DIPK1A: variants seen among roughly 807,000 people sequenced by gnomAD.
DIPK1A encodes divergent protein kinase domain 1A, also known as family with sequence similarity 69 member A.
DIPK1A carries 27 observed loss-of-function variants against 40.8 expected under a neutral mutation model. The observed-to-expected ratio is 0.66, with a 90% CI of 0.49 to 0.91. The LOEUF is 0.91. Among genes scored for constraint, DIPK1A ranks in the 40% least tolerant of loss-of-function variants. The pLI, the probability that DIPK1A is intolerant of heterozygous loss-of-function variation, is 0.00. For synonymous variants in DIPK1A, 166 were observed against 171.3 expected, an observed-to-expected ratio of 0.97 and a Z score of 0.24; for missense variants, 412 against 505.7, an observed-to-expected ratio of 0.81 and a Z score of 1.78.
At chr1:92,875,260 A>T (rs1648064365) in intron 2 of DIPK1A, among the ~76,000 whole-genome samples, 1 of 152,176 alleles carries the variant, frequency 6.6e-6, no homozygotes, top group Admixed American at 6.5e-5. Flanking sequence ...AAGGTCAAAG[A>T]TATTTTGCTC....
At chr1:92,837,685 T>A (rs1553122284), downstream of DIPK1A, 7 of 1,497,596 alleles carry the variant, frequency 4.7e-6, no homozygotes, top group Non-Finnish European at 6.5e-6. Flanking sequence ...GGAAATAGGT[T>A]TATTACTTGT....
intron 1 of DIPK1A, among the ~76,000 whole-genome samples, chr1:92,955,483 G>A (rs1651813952): frequency 6.6e-6 from 1 of 152,024 alleles, no homozygotes; most frequent in African/African-American, 2.4e-5. Context: ...CAGATCACGA[G>A]GTCAGGAGAT....
At chr1:92,847,463 A>C (rs1456464945) in intron 3 of DIPK1A, 104 bp from the exon 4 acceptor site, 3 of 634,438 alleles carry the variant, frequency 4.7e-6, no homozygotes, top group East Asian at 6.5e-5. Context: ...AAAACAAAAC[A>C]AGCATCAAAC....
intron 4 of DIPK1A, chr1:92,836,760 T>G: frequency 4.4e-6 from 1 of 228,778 alleles, no homozygotes; most frequent in East Asian, 1.1e-4. Context: ...TGCAAAAAGG[T>G]GGATCCTAGA....
downstream of DIPK1A, chr1:92,840,714 T>A: frequency 9.2e-7 from 1 of 1,089,886 alleles, no homozygotes; most frequent in Non-Finnish European, 1.4e-6. Context: ...ACTGTTGGTG[T>A]AATTGTGCAA....
intron 1 of DIPK1A, chr1:92,933,830 G>A (rs1316517609): frequency 6.6e-6 from 1 of 152,196 alleles, no homozygotes; most frequent in Non-Finnish European, 1.5e-5. Context: ...ACAGTATTGA[G>A]ACTTAAATGA....
chr1:92,842,625 C>T lies in DIPK1A; in HGVS notation c.*758G>A. The T allele has an allele frequency of 1.0e-6, 1 of 985,300 alleles. No homozygotes were observed. Among genetic ancestry groups the T allele is most frequent in the Non-Finnish European group, 1.2e-6 (1 of 829,862 alleles). 61.0% of individuals were successfully genotyped at this position (985,300 alleles called of 1,614,324 possible). A position where few individuals can be genotyped will look rare whatever the true frequency, so the allele number is the denominator to read the frequency against. On this transcript the variant is annotated 3_prime_UTR_variant, in exon 5 of 5. Coordinates refer to ENST00000370310, the MANE Select transcript of DIPK1A (RefSeq NM_001006605.5). Reference sequence around the variant, plus strand: ...AGTCTTGCACTTACAGTCCCACTTTCACATAGTTCAAAATCAGGATATGTG... The same window carrying T: ...AGTCTTGCACTTACAGTCCCACTTTTACATAGTTCAAAATCAGGATATGTG...
chr1:92,861,065 T>C (rs1040685344), intron 2 of DIPK1A, among the ~76,000 whole-genome samples: 2 of 152,096 alleles, frequency 1.3e-5, no homozygotes, highest in Admixed American at 6.6e-5. Context: ...TCTTGACTTA[T>C]TACAGTGACT....
At chr1:92,944,635 T>C (rs1651292734) in intron 1 of DIPK1A, among the ~76,000 whole-genome samples, 1 of 152,096 alleles carries the variant, frequency 6.6e-6, no homozygotes, top group Non-Finnish European at 1.5e-5. Flanking sequence ...CAGTTTTTGT[T>C]TTGTTTTGTT....
At chr1:92,892,960 T>C (rs1461405577) in intron 1 of DIPK1A, among the ~76,000 whole-genome samples, 1 of 151,908 alleles carries the variant, frequency 6.6e-6, no homozygotes, top group East Asian at 1.9e-4. Context: ...GAAAAAAGAA[T>C]AGAAAGAAAT....
intron 2 of DIPK1A, among the ~76,000 whole-genome samples, chr1:92,855,054 T>C (rs752949183): frequency 3.3e-5 from 5 of 151,736 alleles, no homozygotes; most frequent in Non-Finnish European, 7.4e-5. Flanking sequence ...ACATGGCCCA[T>C]TGCAAAAGAA....
intron 1 of DIPK1A, among the ~76,000 whole-genome samples, chr1:92,941,888 G>A (rs1348724895): frequency 6.6e-6 from 1 of 151,972 alleles, no homozygotes; most frequent in African/African-American, 2.4e-5. Context: ...TACTCAGGAG[G>A]CTGAGGCAAG....
chr1:92,836,100 C>G, intron 4 of DIPK1A: 1 of 1,211,642 alleles, frequency 8.3e-7, no homozygotes, highest in Non-Finnish European at 1.2e-6. Context: ...TTCCAGATGT[C>G]AGTGGTCCTT....
At chr1:92,896,342 A>G (rs1649165305) in intron 1 of DIPK1A, among the ~76,000 whole-genome samples, 2 of 152,200 alleles carry the variant, frequency 1.3e-5, no homozygotes, top group African/African-American at 4.8e-5. Flanking sequence ...GCCCTCAGAA[A>G]TAATGCCACA....
chr1:92,891,071 C>A (rs1482005987), intron 1 of DIPK1A, among the ~76,000 whole-genome samples: 1 of 152,094 alleles, frequency 6.6e-6, no homozygotes, highest in Non-Finnish European at 1.5e-5. Flanking sequence ...AAAAATTTAT[C>A]CATTTCCTCT....
chr1:92,851,487 G>T (rs979133299), intron 2 of DIPK1A, among the ~76,000 whole-genome samples: 1 of 121,636 alleles, frequency 8.2e-6, no homozygotes, highest in African/African-American at 3.1e-5. Context: ...AGGTTGTGGT[G>T]AGCCGAGATC....
At chr1:92,864,686 A>G (rs1464792643) in intron 2 of DIPK1A, among the ~76,000 whole-genome samples, 1 of 152,114 alleles carries the variant, frequency 6.6e-6, no homozygotes. Flanking sequence ...ACCAAATAGG[A>G]TTTGCTGAAA....
chr1:92,840,199 A>G, downstream of DIPK1A: 1 of 267,046 alleles, frequency 3.7e-6, no homozygotes, highest in Non-Finnish European at 7.3e-6. Context: ...TTTTATGGAG[A>G]CAGGTCTCAC....
At chr1:92,865,775 A>G (rs1446494133) in intron 2 of DIPK1A, among the ~76,000 whole-genome samples, 1 of 152,222 alleles carries the variant, frequency 6.6e-6, no homozygotes, top group Non-Finnish European at 1.5e-5. Context: ...ATCTTTTAAC[A>G]AACATTATCC....
Sources: gnomAD v4.1 joint callset for allele counts (sites outside exome capture counted in the v4.1 genomes callset) on GRCh38, gnomAD v4.1.1 for gene constraint, MANE v1.5 for transcripts, NCBI Gene and HGNC (gene_info 2026-07-23, HGNC 2026-07-21) for gene names.